Variants in SOHLH2 observed in about 807,000 individuals in gnomAD.
SOHLH2 encodes spermatogenesis- and oogenesis-specific basic helix-loop-helix-containing protein 2.
In SOHLH2, 22 loss-of-function variants were observed where a neutral mutation model predicts 50.4. The ratio of observed to expected loss-of-function variants is 0.44; its 90% CI spans 0.31 to 0.62. The LOEUF (loss-of-function observed/expected upper bound fraction) is 0.62, where lower values mean the gene tolerates loss of function less well. SOHLH2 is among the 20% of genes least tolerant of loss of function. The pLI is 0.08. For synonymous variants in SOHLH2, 185 were observed against 187.3 expected (o/e 0.99, Z 0.10); for missense variants, 412 against 504.4 (o/e 0.82, Z 1.76).
At chr13:36,197,679 G>T (rs1887775674) in intron 2 of SOHLH2, among the ~76,000 whole-genome samples, 2 of 152,154 alleles carry the variant, frequency 1.3e-5, no homozygotes, top group South Asian at 4.1e-4. Flanking sequence ...AACCTGGTAT[G>T]ACCTACATGG....
rs758707929 is a variant in SOHLH2, at chr13:36,170,555, C to T, written c.1233G>A (p.Thr411=). ...PRHCTSGLGQ[T]CTTHPNCLQQ... The stretch of plus-strand genomic sequence containing the variant: ...CCAGACAGTTGGGATGTGTAGTGCA[C>T]GTCTGGCCCAACCCAGAAGTGCAGT... Residue 411 remains threonine (T), a synonymous_variant, in exon 10 of 11, where the codon ACG becomes ACA. Coordinates refer to ENST00000379881, the MANE Select transcript of SOHLH2 (RefSeq NM_017826.3). The T allele has an allele frequency of 8.7e-6, 14 of 1,614,002 alleles. No individual in the cohort carries two copies. The highest frequency in any genetic ancestry group is 1.1e-5 in the Non-Finnish European group (13 of 1,179,964).
At chr13:36,203,043 G>A (rs1868520002) in intron 1 of SOHLH2, among the ~76,000 whole-genome samples, 1 of 152,104 alleles carries the variant, frequency 6.6e-6, no homozygotes. Flanking sequence ...GCAAAGCTTT[G>A]GCACTTCCAC....
intron 2 of SOHLH2, among the ~76,000 whole-genome samples, chr13:36,196,628 A>G (rs1771628303): frequency 6.6e-6 from 1 of 152,234 alleles, no homozygotes; most frequent in African/African-American, 2.4e-5. Context: ...ATACAGTTAA[A>G]TGATTTTTTA....
intron 8 of SOHLH2, among the ~76,000 whole-genome samples, chr13:36,174,191 A>G (rs1353965493): frequency 6.6e-6 from 1 of 151,732 alleles, no homozygotes; most frequent in African/African-American, 2.4e-5. Flanking sequence ...CTGGACCACC[A>G]CCATCCCTAC....
At chr13:36,174,359 A>T in intron 8 of SOHLH2, 117 bp downstream of exon 8, 1 of 1,344,348 alleles carries the variant, frequency 7.4e-7, no homozygotes. Flanking sequence ...AAGTTCGCTG[A>T]CCCTTAATAA....
intron 1 of SOHLH2, 118 bp from the exon 2 acceptor site, chr13:36,202,211 C>T (rs1868464950): frequency 3.2e-6 from 4 of 1,263,750 alleles, no homozygotes; most frequent in South Asian, 1.4e-5. Flanking sequence ...GACTCCATAT[C>T]TAGTCTGACT....
intron 2 of SOHLH2, among the ~76,000 whole-genome samples, chr13:36,197,379 C>T (rs540443242): frequency 3.3e-5 from 5 of 152,144 alleles, no homozygotes; most frequent in Admixed American, 1.3e-4. Context: ...CCCCCATCCC[C>T]GGATCTGTCT....
intron 6 of SOHLH2, among the ~76,000 whole-genome samples, chr13:36,186,222 T>C (rs936769315): frequency 6.6e-6 from 1 of 151,422 alleles, no homozygotes; most frequent in Non-Finnish European, 1.5e-5. Context: ...AAAAAAAGAC[T>C]GACAAAATTT....
chr13:36,169,251 C>A (rs534227963), intron 10 of SOHLH2, among the ~76,000 whole-genome samples, 197 bp from the exon 11 acceptor site: 1 of 152,124 alleles, frequency 6.6e-6, no homozygotes, highest in Non-Finnish European at 1.5e-5. Flanking sequence ...AACAATTCAA[C>A]AAAACCCACC....
At chr13:36,193,988 A>G in intron 2 of SOHLH2, 121 bp from the exon 3 acceptor site, 1 of 869,832 alleles carries the variant, frequency 1.1e-6, no homozygotes, top group East Asian at 3.0e-5. Flanking sequence ...AGAATTTAAA[A>G]TAATATCATT....
chr13:36,192,956 A>G (rs1402368272), intron 4 of SOHLH2, among the ~76,000 whole-genome samples: 1 of 152,190 alleles, frequency 6.6e-6, no homozygotes, highest in Non-Finnish European at 1.5e-5. Flanking sequence ...ATTTTAAAAG[A>G]TTTCTTATTT....
chr13:36,199,653 A>C (rs1887839919), intron 2 of SOHLH2, among the ~76,000 whole-genome samples: 1 of 152,246 alleles, frequency 6.6e-6, no homozygotes, highest in Admixed American at 6.5e-5. Context: ...TTCTCTGCTA[A>C]GAAATCTTAA....
At chr13:36,181,962 A>T in intron 6 of SOHLH2, 1 of 830,172 alleles carries the variant, frequency 1.2e-6, no homozygotes, top group Non-Finnish European at 1.5e-6. Flanking sequence ...ATTTGCACAA[A>T]CAAGTGAAGA....
At chr13:36,187,689 G>GA (rs1887458936) in intron 6 of SOHLH2, among the ~76,000 whole-genome samples, 1 of 152,104 alleles carries the variant, frequency 6.6e-6, no homozygotes, top group South Asian at 2.1e-4. Context: ...GGGCCCCATC[G>GA]AAAAATTCAT....
chr13:36,191,132 A>G (rs1887560674), intron 5 of SOHLH2, among the ~76,000 whole-genome samples: 1 of 152,202 alleles, frequency 6.6e-6, no homozygotes, highest in Non-Finnish European at 1.5e-5. Flanking sequence ...TAAGCATACT[A>G]GCATTGGAAG....
chr13:36,196,799 A>G (rs9593898), intron 2 of SOHLH2, among the ~76,000 whole-genome samples: 1,723 of 152,282 alleles, frequency 0.011, 28 homozygotes, highest in African/African-American at 0.039. Flanking sequence ...TTTACATCAG[A>G]CAAAGGTGGG....
chr13:36,172,520 A>C (rs1359305479), intron 9 of SOHLH2, among the ~76,000 whole-genome samples: 1 of 152,164 alleles, frequency 6.6e-6, no homozygotes, highest in Non-Finnish European at 1.5e-5. Flanking sequence ...ATGCTGCATA[A>C]CCTTCATTTG....
chr13:36,213,558 G>C (rs893601856), intron 1 of SOHLH2, among the ~76,000 whole-genome samples: 1 of 152,180 alleles, frequency 6.6e-6, no homozygotes. Context: ...TCTGGCGTGG[G>C]GAGGTTTCGC....
intron 6 of SOHLH2, among the ~76,000 whole-genome samples, chr13:36,184,485 G>A (rs1251117750): frequency 2.5e-5 from 2 of 80,036 alleles, no homozygotes; most frequent in Non-Finnish European, 5.2e-5. Flanking sequence ...TTTTTGAGAC[G>A]GAGTCTTGCT....
Sources: gnomAD v4.1 joint callset for allele counts (sites outside exome capture counted in the v4.1 genomes callset) on GRCh38, gnomAD v4.1.1 for gene constraint, MANE v1.5 for transcripts, NCBI Gene and HGNC (gene_info 2026-07-23, HGNC 2026-07-21) for gene names.